Variants in ANKRD30B observed in about 807,000 individuals in gnomAD.
ANKRD30B encodes ankyrin repeat domain 30B.
A neutral mutation model predicts 202.2 loss-of-function variants in ANKRD30B; 144 were observed. That is an observed-to-expected ratio of 0.71 (90% confidence interval 0.62 to 0.82). The LOEUF is 0.82. Ranked by LOEUF, ANKRD30B falls within the 40% of genes least tolerant of loss-of-function variation. The pLI, the probability that ANKRD30B is intolerant of heterozygous loss-of-function variation, is 0.00. For synonymous variants in ANKRD30B, 508 were observed against 561.3 expected, an observed-to-expected ratio of 0.91 and a Z score of 1.34; for missense variants, 1,487 against 1,669.1, an observed-to-expected ratio of 0.89 and a Z score of 1.90.
At chr18:14,777,769 C>T (rs916997904) in intron 9 of ANKRD30B, among the ~76,000 whole-genome samples, 1 of 151,454 alleles carries the variant, frequency 6.6e-6, no homozygotes, top group African/African-American at 2.4e-5. Context: ...TGGTGAAACG[C>T]CATCTCTCCT....
intron 5 of ANKRD30B, among the ~76,000 whole-genome samples, chr18:14,760,347 C>A (rs1319408412): frequency 6.6e-6 from 1 of 152,126 alleles, no homozygotes; most frequent in Non-Finnish European, 1.5e-5. Flanking sequence ...GCCCTCAATT[C>A]ATGAGTATTT....
intron 12 of ANKRD30B, among the ~76,000 whole-genome samples, chr18:14,783,039 C>T (rs1967857492): frequency 6.6e-6 from 1 of 152,096 alleles, no homozygotes; most frequent in Non-Finnish European, 1.5e-5. Flanking sequence ...TCTTCTGGTC[C>T]CAAAACTTGT....
At chr18:14,874,055 C>T in the ANKRD30B span, among the ~76,000 whole-genome samples, 1 of 152,316 alleles carries the variant, frequency 6.6e-6, no homozygotes, top group South Asian at 2.1e-4. Context: ...AGTCAGTTTC[C>T]TCACCTGTAG....
chr18:14,870,158 T>C, the ANKRD30B span, among the ~76,000 whole-genome samples: 1 of 152,236 alleles, frequency 6.6e-6, no homozygotes, highest in African/African-American at 2.4e-5. Flanking sequence ...ATACAGTGTC[T>C]TCCTCTGTTG....
chr18:14,754,786 CTTAT>C (rs201070044), intron 3 of ANKRD30B, 109 bp from the exon 4 acceptor site: 10,431 of 687,132 alleles, frequency 0.015, 90 homozygotes, highest in Non-Finnish European at 0.018. Flanking sequence ...TATTGATTTA[CTTAT>C]TTACTTTCTA....
At position 14,799,259 on chromosome 18, in the gene ANKRD30B, G is replaced by T. The variant is rs1969152034; in HGVS notation, c.2095G>T (p.Ala699Ser). 1 of 1,551,854 alleles carries T rather than the reference G, an allele frequency of 6.4e-7. No homozygotes were observed. The highest frequency in any genetic ancestry group is 1.4e-5 in the African/African-American group (1 of 72,520). The change falls in exon 22 of 44, where the codon GCT becomes TCT. Residue 699 changes from alanine (A) to serine (S), a missense_variant. Ala to Ser is a moderately conservative substitution (Grantham distance 99). Coordinates refer to ENST00000690538, the MANE Select transcript of ANKRD30B (RefSeq NM_001367607.2). The stretch of plus-strand genomic sequence containing the variant: ...AAGGAAAGTTTCTCTTCCAAATAAA[G>T]CTTTAGAATTGAAGGACAGAGAAAC... ...CGRKVSLPNKALELKDRETFK... is the reference protein window; with the variant it reads ...CGRKVSLPNKSLELKDRETFK...
intron 30 of ANKRD30B, among the ~76,000 whole-genome samples, chr18:14,815,492 A>G (rs114267641): frequency 0.016 from 2,455 of 152,120 alleles, 69 homozygotes; most frequent in African/African-American, 0.057. Flanking sequence ...TTTCATGGGA[A>G]AAATGTGGAA....
At chr18:14,917,557 G>A in the ANKRD30B span, among the ~76,000 whole-genome samples, 1 of 152,186 alleles carries the variant, frequency 6.6e-6, no homozygotes, top group Non-Finnish European at 1.5e-5. Flanking sequence ...GTCCTGGTTG[G>A]TAAATCAGGT....
intron 39 of ANKRD30B, among the ~76,000 whole-genome samples, chr18:14,846,292 A>G (rs565967269): frequency 3.9e-4 from 59 of 152,096 alleles, no homozygotes; most frequent in Non-Finnish European, 4.7e-4. Context: ...ATGTTATGTT[A>G]CTTAATTTCC....
intron 16 of ANKRD30B, 134 bp downstream of exon 16, chr18:14,791,625 G>A (rs1598624700): frequency 2.9e-6 from 2 of 681,410 alleles, no homozygotes; most frequent in East Asian, 2.9e-5. Flanking sequence ...GTGAAACGGT[G>A]ATAAGTTATA....
the ANKRD30B span, among the ~76,000 whole-genome samples, chr18:14,926,361 A>G: frequency 6.6e-6 from 1 of 152,224 alleles, no homozygotes; most frequent in Admixed American, 6.5e-5. Flanking sequence ...CTCCTCCCTC[A>G]GAACTGGCTC....
At chr18:14,810,515 G>C (rs1205188105) in intron 28 of ANKRD30B, among the ~76,000 whole-genome samples, 2 of 151,176 alleles carry the variant, frequency 1.3e-5, no homozygotes, top group South Asian at 2.1e-4. Context: ...ATGCTGACTG[G>C]AATTCTGATC....
At chr18:14,888,727 C>A in the ANKRD30B span, 887,946 of 896,130 alleles carry the variant, frequency 0.99, 440,400 homozygotes, top group East Asian at 1. Flanking sequence ...ATAGGAAGAA[C>A]GTGGGCTGTT....
intron 39 of ANKRD30B, among the ~76,000 whole-genome samples, chr18:14,846,648 T>C (rs191580617): frequency 4.6e-4 from 70 of 152,240 alleles, no homozygotes; most frequent in Non-Finnish European, 3.4e-4. Flanking sequence ...GTTTTCTTGA[T>C]TAAGTGAACC....
the ANKRD30B span, among the ~76,000 whole-genome samples, chr18:14,932,439 A>C: frequency 2.0e-5 from 3 of 151,964 alleles, no homozygotes; most frequent in Admixed American, 1.3e-4. Flanking sequence ...CGGGTTCACG[A>C]CATTCTCCTC....
intron 16 of ANKRD30B, among the ~76,000 whole-genome samples, chr18:14,792,140 C>G (rs746214179): frequency 6.6e-6 from 1 of 152,134 alleles, no homozygotes; most frequent in South Asian, 2.1e-4. Flanking sequence ...CGTCTGAAAA[C>G]CTTGTTAACA....
chr18:14,754,100 T>C (rs1485369959), intron 3 of ANKRD30B, among the ~76,000 whole-genome samples: 3 of 152,164 alleles, frequency 2.0e-5, no homozygotes, highest in Admixed American at 6.6e-5. Flanking sequence ...AGAAACCTCA[T>C]GGACCATTTA....
the ANKRD30B span, among the ~76,000 whole-genome samples, chr18:14,904,318 G>A: frequency 3.3e-5 from 5 of 152,332 alleles, no homozygotes; most frequent in East Asian, 9.6e-4. Flanking sequence ...GAGGCTTGAT[G>A]GGAATGAGCC....
the ANKRD30B span, among the ~76,000 whole-genome samples, chr18:14,925,003 G>T: frequency 2.0e-5 from 3 of 152,326 alleles, no homozygotes; most frequent in South Asian, 6.2e-4. Context: ...TATGAGCACT[G>T]AATGGGGCAG....
Sources: gnomAD v4.1 joint callset for allele counts (sites outside exome capture counted in the v4.1 genomes callset) on GRCh38, gnomAD v4.1.1 for gene constraint, MANE v1.5 for transcripts, NCBI Gene and HGNC (gene_info 2026-07-23, HGNC 2026-07-21) for gene names.